The following COL5A2 variants were observed in gnomAD, a reference collection of about 807,000 sequenced individuals.
COL5A2 encodes collagen alpha-2(V) chain.
A neutral mutation model predicts 208.2 loss-of-function variants in COL5A2; 23 were observed. That is an observed-to-expected ratio of 0.11 (90% CI 0.08 to 0.16). The LOEUF (loss-of-function observed/expected upper bound fraction) is 0.16. Among genes scored for constraint, COL5A2 ranks in the 10% least tolerant of loss-of-function variants. The pLI, the probability that COL5A2 is intolerant of heterozygous loss-of-function variation, is 1.00. For missense variants in COL5A2, 1,590 were observed against 1,956.4 expected, an observed-to-expected ratio of 0.81 and a Z score of 3.53; for synonymous variants, 625 against 628.5, an observed-to-expected ratio of 0.99 and a Z score of 0.08.
At chr2:189,349,974 A>G in the COL5A2 span, among the ~76,000 whole-genome samples, 6 of 152,204 alleles carry the variant, frequency 3.9e-5, no homozygotes, top group East Asian at 1.2e-3. Context: ...GTTAGTGGTT[A>G]GATTGGATCT....
chr2:189,402,983 C>A, the COL5A2 span, among the ~76,000 whole-genome samples: 1 of 152,156 alleles, frequency 6.6e-6, no homozygotes, highest in Non-Finnish European at 1.5e-5. Context: ...AGCACTGAAT[C>A]TATAAACTGC....
At chr2:189,258,543 C>T in the COL5A2 span, among the ~76,000 whole-genome samples, 9 of 152,218 alleles carry the variant, frequency 5.9e-5, no homozygotes, top group Middle Eastern at 3.4e-3. Context: ...TCTACTTTTG[C>T]TTAACATGAT....
the COL5A2 span, among the ~76,000 whole-genome samples, chr2:189,409,370 C>T: frequency 1.9e-4 from 29 of 151,972 alleles, no homozygotes; most frequent in Admixed American, 1.9e-3. Context: ...ATACACCTCA[C>T]CCAGCTTAAA....
chr2:189,266,282 G>A, the COL5A2 span, among the ~76,000 whole-genome samples: 11 of 151,832 alleles, frequency 7.2e-5, no homozygotes, highest in Admixed American at 4.6e-4. Context: ...AAAAATTAGC[G>A]GGGCATGGTG....
chr2:189,319,568 C>A, the COL5A2 span, among the ~76,000 whole-genome samples: 1 of 152,252 alleles, frequency 6.6e-6, no homozygotes, highest in African/African-American at 2.4e-5. Flanking sequence ...TTGCTCATTG[C>A]TAGCATAGCA....
chr2:189,198,543 G>A (rs1001840969), intron 1 of COL5A2, among the ~76,000 whole-genome samples: 1 of 152,124 alleles, frequency 6.6e-6, no homozygotes, highest in Non-Finnish European at 1.5e-5. Context: ...ACAGAGATGG[G>A]ATGGACAAGA....
At chr2:189,205,739 G>T (rs16831211) in intron 1 of COL5A2, among the ~76,000 whole-genome samples, 1 of 152,052 alleles carries the variant, frequency 6.6e-6, no homozygotes, top group Non-Finnish European at 1.5e-5. Context: ...TTAATTTCTT[G>T]TGATTCCTAT....
At chr2:189,155,716 A>G (rs1012991847) in intron 1 of COL5A2, among the ~76,000 whole-genome samples, 65 of 152,076 alleles carry the variant, frequency 4.3e-4, no homozygotes, top group Admixed American at 1.8e-3. Context: ...ATTTCTCTGT[A>G]TTAGTTTCTG....
the COL5A2 span, among the ~76,000 whole-genome samples, chr2:189,381,931 T>C: frequency 6.6e-6 from 1 of 152,080 alleles, no homozygotes; most frequent in East Asian, 1.9e-4. Flanking sequence ...TATTGTGTCA[T>C]TAGATAATTA....
the COL5A2 span, among the ~76,000 whole-genome samples, chr2:189,364,405 G>A: frequency 3.9e-5 from 6 of 152,190 alleles, no homozygotes; most frequent in Admixed American, 3.3e-4. Context: ...TATATAGCAA[G>A]GTTGGGCCCG....
chr2:189,209,153 T>C (rs534480204), intron 1 of COL5A2, among the ~76,000 whole-genome samples: 1 of 152,312 alleles, frequency 6.6e-6, no homozygotes, highest in South Asian at 2.1e-4. Flanking sequence ...TGATTCCTTT[T>C]ATTTTTTAAG....
chr2:189,098,399 T>TG (rs1686966191), intron 5 of COL5A2, among the ~76,000 whole-genome samples: 1 of 152,260 alleles, frequency 6.6e-6, no homozygotes. Context: ...CCATTAATCA[T>TG]AGTCAAACAA....
chr2:189,294,788 A>G, the COL5A2 span, among the ~76,000 whole-genome samples: 3 of 152,216 alleles, frequency 2.0e-5, no homozygotes, highest in Non-Finnish European at 2.9e-5. Context: ...CAATTAACAA[A>G]TTACACACTC....
At chr2:189,429,904 A>G in the COL5A2 span, among the ~76,000 whole-genome samples, 2 of 152,228 alleles carry the variant, frequency 1.3e-5, no homozygotes, top group Non-Finnish European at 1.5e-5. Flanking sequence ...TTGACATTCT[A>G]TCTTCATCTG....
Position 189,110,205 on chromosome 2 carries a change from T to C in COL5A2, c.322+20A>G. The C allele has an allele frequency of 4.0e-6, 6 of 1,504,844 alleles. No homozygotes were observed. The highest frequency in any genetic ancestry group is 5.5e-6 in the Non-Finnish European group (6 of 1,081,126). 93.2% of individuals were successfully genotyped at this position (1,504,844 alleles called of 1,614,324 possible). A position where few individuals can be genotyped will look rare whatever the true frequency, so the allele number is the denominator to read the frequency against. Reference sequence around the variant, plus strand: ...GGTGAGTAACTGGATCAATTATGAGTTGGCCCTAAACATTCTTACCAAAAT... The same window carrying C: ...GGTGAGTAACTGGATCAATTATGAGCTGGCCCTAAACATTCTTACCAAAAT... On this transcript the variant is annotated intron_variant, in intron 2 of 53. Transcript: ENST00000374866.
At chr2:189,204,271 A>T (rs1244772207) in intron 1 of COL5A2, among the ~76,000 whole-genome samples, 1 of 152,208 alleles carries the variant, frequency 6.6e-6, no homozygotes, top group Non-Finnish European at 1.5e-5. Flanking sequence ...AGAGAAGTTT[A>T]GGTCGCTTTA....
At chr2:189,120,513 T>C (rs1022194540) in intron 1 of COL5A2, among the ~76,000 whole-genome samples, 1 of 152,302 alleles carries the variant, frequency 6.6e-6, no homozygotes, top group Non-Finnish European at 1.5e-5. Context: ...TCAATCATTA[T>C]GGAAATATAA....
At chr2:189,367,238 A>G in the COL5A2 span, among the ~76,000 whole-genome samples, 2 of 152,118 alleles carry the variant, frequency 1.3e-5, no homozygotes, top group African/African-American at 4.8e-5. Flanking sequence ...AACTGCCCGA[A>G]TTGGCCCAGG....
At chr2:189,200,996 G>T (rs1689061815) in intron 1 of COL5A2, among the ~76,000 whole-genome samples, 1 of 149,362 alleles carries the variant, frequency 6.7e-6, no homozygotes, top group African/African-American at 2.5e-5. Flanking sequence ...GAAATATCAT[G>T]GAAACCTGGA....
Sources: gnomAD v4.1 joint callset for allele counts (sites outside exome capture counted in the v4.1 genomes callset) on GRCh38, gnomAD v4.1.1 for gene constraint, MANE v1.5 for transcripts, NCBI Gene and HGNC (gene_info 2026-07-23, HGNC 2026-07-21) for gene names.